Variants in ATP2C1 observed in about 807,000 individuals in gnomAD.
ATP2C1 encodes ATPase secretory pathway Ca2+ transporting 1.
In ATP2C1, 31 loss-of-function variants were observed where a neutral mutation model predicts 120.5. The ratio of observed to expected loss-of-function variants is 0.26; its 90% CI spans 0.19 to 0.35. The LOEUF is 0.35. Among genes scored for constraint, ATP2C1 ranks in the 10% least tolerant of loss-of-function variants. ATP2C1 has a pLI of 1.00. For synonymous variants in ATP2C1, 351 were observed against 358.7 expected (o/e 0.98, Z 0.24); for missense variants, 731 against 1,107.5 (o/e 0.66, Z 4.83).
intron 8 of ATP2C1, among the ~76,000 whole-genome samples, chr3:130,952,423 G>T (rs952512822): frequency 1.3e-5 from 2 of 152,030 alleles, no homozygotes; most frequent in Non-Finnish European, 2.9e-5. Context: ...TTTTACGTGA[G>T]GTTATTTGAG....
intron 1 of ATP2C1, among the ~76,000 whole-genome samples, chr3:130,860,467 A>T (rs1261058904): frequency 6.6e-6 from 1 of 152,222 alleles, no homozygotes; most frequent in Non-Finnish European, 1.5e-5. Flanking sequence ...AAATATTTTA[A>T]ATTTGTATTA....
At chr3:130,904,049 A>G (rs1316461166) in intron 2 of ATP2C1, among the ~76,000 whole-genome samples, 1 of 152,040 alleles carries the variant, frequency 6.6e-6, no homozygotes, top group Non-Finnish European at 1.5e-5. Context: ...TATGGTAGAA[A>G]GATTTACTTT....
rs907443363 is a variant in ATP2C1, at chr3:130,894,099, C to A, written c.-419C>A. The stretch of plus-strand genomic sequence containing the variant: ...AGGCGGGAGCAGACCAGCACGGCCT[C>A]GCGGAGCCGGCCCGGCGGACCGTGA... On this transcript the variant is annotated 5_prime_UTR_variant, in exon 1 of 28. Coordinates refer to ENST00000510168, the MANE Select transcript of ATP2C1 (RefSeq NM_001378687.1). This position sits in a 1 kb window ranked among gnomAD's most constrained non-coding sequence, Gnocchi z 4.5. The A allele has an allele frequency of 1.4e-5, 14 of 975,790 alleles. No homozygotes were observed. The highest frequency in any genetic ancestry group is 1.6e-5 in the Non-Finnish European group (13 of 821,174). The allele number at this position is 975,790 out of a possible 1,614,324, so 60.4% of individuals were successfully genotyped here.
intron 2 of ATP2C1, among the ~76,000 whole-genome samples, chr3:130,920,257 G>A (rs752987004): frequency 2.0e-5 from 3 of 152,056 alleles, no homozygotes; most frequent in Non-Finnish European, 4.4e-5. Context: ...TGAGATAATC[G>A]CCGACACCAG....
rs369149510 is a variant in ATP2C1, at chr3:130,888,555, C to T, written c.108+37627C>T. Among the ~76,000 whole-genome samples the T allele has an allele frequency of 2.6e-4, 40 of 152,324 alleles. No homozygotes were observed. In the East Asian group the frequency reaches 2.9e-3, roughly 11 times the overall value. ...TGGCTAGGTCTGGTCCAAATGTTCC[C>T]TTCATGCATGAGTGCTGGCTGAGCC... is the stretch of plus-strand genomic sequence containing the variant. On this transcript the variant is annotated intron_variant, in intron 1 of 26. Coordinates refer to the ATP2C1 transcript ENST00000504381.
Position 131,001,388 on chromosome 3 carries a change from C to A in ATP2C1, c.*38C>A, listed in dbSNP as rs1444245139. On this transcript the variant is annotated 3_prime_UTR_variant, in exon 28 of 28. Transcript: ENST00000510168. Reference sequence around the variant, plus strand: ...TATTTTATTTGCAAACTAGGAATTGCAGTCTGAGGATCATTTAGAAGGGCA... The same window carrying A: ...TATTTTATTTGCAAACTAGGAATTGAAGTCTGAGGATCATTTAGAAGGGCA... 3 of 1,606,152 alleles carry A rather than the reference C, an allele frequency of 1.9e-6. No individual in the cohort carries two copies. In the Admixed American group the frequency reaches 5.0e-5, roughly 27 times the overall value.
rs1560039254 is a variant in ATP2C1 at position 131,001,787 on chromosome 3, G to T, written c.*437G>T. ...AATCATTTCAAAGGCATTCTATTTG[G>T]TTTAGAAGTTGATTCCCAGGAGTGC... is the stretch of plus-strand genomic sequence containing the variant. On this transcript the variant is annotated 3_prime_UTR_variant, in exon 28 of 28. Coordinates refer to ENST00000510168, the MANE Select transcript of ATP2C1 (RefSeq NM_001378687.1). 1.0e-6 allele frequency: 1 copy of T among 984,818 alleles called. No homozygotes were observed. The highest frequency in any genetic ancestry group is 1.2e-6 in the Non-Finnish European group (1 of 829,220). 61.0% of individuals were successfully genotyped at this position (984,818 alleles called of 1,614,324 possible). A position where few individuals can be genotyped will look rare whatever the true frequency, so the allele number is the denominator to read the frequency against.
chr3:130,931,576 A>G (rs893235413), intron 3 of ATP2C1, among the ~76,000 whole-genome samples: 2 of 152,136 alleles, frequency 1.3e-5, no homozygotes, highest in African/African-American at 4.8e-5. Context: ...GGAAAAAGCT[A>G]ATTAAAATGT....
chr3:130,858,555 C>T (rs1268593107), intron 1 of ATP2C1, among the ~76,000 whole-genome samples: 2 of 152,174 alleles, frequency 1.3e-5, no homozygotes, highest in African/African-American at 2.4e-5. Context: ...GTAGCAATTT[C>T]GCATCTTTCT....
At chr3:130,874,745 G>GGGTA (rs1172205726) in intron 1 of ATP2C1, among the ~76,000 whole-genome samples, 1 of 152,180 alleles carries the variant, frequency 6.6e-6, no homozygotes, top group Non-Finnish European at 1.5e-5. Context: ...CTCAGGGGAA[G>GGGTA]GGTAGAAGGA....
chr3:130,883,927 CT>C (rs1553747706), intron 1 of ATP2C1, among the ~76,000 whole-genome samples: 1 of 141,308 alleles, frequency 7.1e-6, no homozygotes, highest in South Asian at 2.3e-4. Flanking sequence ...TTCTTTCTTT[CT>C]TTCTTTTTCT....
At chr3:130,988,303 A>G (rs1475979593) in intron 20 of ATP2C1, among the ~76,000 whole-genome samples, 1 of 151,840 alleles carries the variant, frequency 6.6e-6, no homozygotes, top group Non-Finnish European at 1.5e-5. Flanking sequence ...TTGTCTATTA[A>G]TTTCCATCAA....
intron 2 of ATP2C1, among the ~76,000 whole-genome samples, chr3:130,922,030 G>A (rs1271124692): frequency 2.6e-5 from 4 of 152,088 alleles, no homozygotes; most frequent in Non-Finnish European, 4.4e-5. Flanking sequence ...TTTCAGTAAC[G>A]GTAGTACCAA....
chr3:130,871,639 G>A (rs1325531456), intron 1 of ATP2C1, among the ~76,000 whole-genome samples: 1 of 152,218 alleles, frequency 6.6e-6, no homozygotes, highest in African/African-American at 2.4e-5. Flanking sequence ...AAGCCAGAGG[G>A]ATACTAATGA....
chr3:130,994,014 G>A lies in ATP2C1; in HGVS notation c.1973G>A (p.Gly658Glu), dbSNP rs1176011538. The A allele has an allele frequency of 6.2e-7, 1 of 1,614,026 alleles. No individual in the cohort carries two copies. The highest frequency in any genetic ancestry group is 8.5e-7 in the Non-Finnish European group (1 of 1,180,032). ...GTTGCTCTGAAGGCTGCAGACATTG[G>A]AGTTGCGATGGGCCAGACTGGTACA... ...DAVALKAADIGVAMGQTGTDV... is the reference protein window; with the variant it reads ...DAVALKAADIEVAMGQTGTDV... Residue 658 changes from glycine to glutamate, a missense_variant, in exon 22 of 28, where the codon GGA becomes GAA. By Grantham distance (98) the Gly-to-Glu change is moderately conservative (BLOSUM62 -2). Coordinates refer to ENST00000510168, the MANE Select transcript of ATP2C1 (RefSeq NM_001378687.1).
upstream of ATP2C1, chr3:130,893,915 T>A (rs1380548117): frequency 3.0e-6 from 3 of 985,472 alleles, no homozygotes; most frequent in African/African-American, 5.2e-5. Context: ...GTCTCGGCCT[T>A]CACTTCACTT....
intron 11 of ATP2C1, among the ~76,000 whole-genome samples, chr3:130,957,609 C>T (rs2060636172): frequency 6.6e-6 from 1 of 152,128 alleles, no homozygotes; most frequent in South Asian, 2.1e-4. Context: ...TGCAATGGCG[C>T]AATCCCGGCT....
In ATP2C1 at chr3:130,993,836, T is replaced by C. The variant is rs1577025699; in HGVS notation, c.1891-96T>C. The C allele has an allele frequency of 7.3e-6, 9 of 1,229,304 alleles. No individual in the cohort carries two copies. In the East Asian group the frequency reaches 2.2e-4, roughly 30 times the overall value. 76.1% of individuals were successfully genotyped at this position (1,229,304 alleles called of 1,614,324 possible). A position where few individuals can be genotyped will look rare whatever the true frequency, so the allele number is the denominator to read the frequency against. On this transcript the variant is annotated intron_variant, in intron 21 of 27. Transcript: ENST00000510168. The stretch of plus-strand genomic sequence containing the variant: ...TCTATATTATTTCTAATCTTAATTA[T>C]GTGAAAAAAATAGGGAGGATTTGTT...
chr3:130,909,610 G>C (rs2058295131), intron 2 of ATP2C1, among the ~76,000 whole-genome samples: 1 of 152,112 alleles, frequency 6.6e-6, no homozygotes, highest in South Asian at 2.1e-4. Context: ...TCAAGGTATG[G>C]TTGGATTGTT....
Sources: allele counts gnomAD v4.1 joint callset (sites outside exome capture counted in the v4.1 genomes callset), GRCh38; gene constraint gnomAD v4.1.1; non-coding constraint Gnocchi (gnomAD v3.1); transcripts MANE v1.5; gene names NCBI Gene and HGNC (gene_info 2026-07-23, HGNC 2026-07-21).